Variants in CEP68 observed in about 807,000 individuals in gnomAD.
CEP68 encodes centrosomal protein 68.
In CEP68, 26 loss-of-function variants were observed where a neutral mutation model predicts 55.3. That is an observed-to-expected ratio of 0.47 (90% CI 0.34 to 0.65). The LOEUF (loss-of-function observed/expected upper bound fraction) is 0.65. CEP68 is among the 30% of genes least tolerant of loss of function. The pLI, the probability that CEP68 is intolerant of heterozygous loss-of-function variation, is 0.01. For missense variants in CEP68, 957 were observed against 946.7 expected (o/e 1.01, Z -0.14); for synonymous variants, 402 against 383.2 (o/e 1.05, Z -0.57).
intron 1 of CEP68, among the ~76,000 whole-genome samples, chr2:65,058,076 G>C (rs181713372): frequency 3.0e-4 from 45 of 152,164 alleles, no homozygotes; most frequent in African/African-American, 9.4e-4. Flanking sequence ...CTGGCACAAA[G>C]AAAATGATCA....
chr2:65,073,243 C>A, intron 3 of CEP68: 1 of 501,826 alleles, frequency 2.0e-6, no homozygotes, highest in Non-Finnish European at 3.7e-6. Flanking sequence ...GAATGAGACC[C>A]AGGTAGACTA....
intron 3 of CEP68, chr2:65,073,282 C>T (rs1676589952): frequency 4.7e-6 from 2 of 429,232 alleles, no homozygotes; most frequent in African/African-American, 2.0e-5. Context: ...TTAGCCACTA[C>T]CCTTGGCTGC....
Position 65,071,462 on chromosome 2 carries a change from G to A in CEP68, c.366G>A (p.Lys122=), listed in dbSNP as rs148676857. The A allele has an allele frequency of 7.2e-4, 1,155 of 1,612,976 alleles. 6 individuals are homozygous for A. The East Asian group carries it at 0.015, about 21-fold the overall frequency. ...CCCTTTGATCATTGCAGGTGGAGAA[G>A]ACCAAGCTTTCTTCCTCCGAGGAGT... is the stretch of plus-strand genomic sequence containing the variant. ...LLLSGESQVE[K]TKLSSSEEFP... is the part of the protein sequence containing the mutation. Residue 122 remains lysine, a synonymous_variant, in exon 3 of 7, where the codon AAG becomes AAA. Coordinates refer to ENST00000377990, the MANE Select transcript of CEP68 (RefSeq NM_015147.3).
At position 65,071,831 on chromosome 2, in the gene CEP68, G is replaced by A. The variant is rs1342630600; in HGVS notation, c.735G>A (p.Arg245=). The A allele has an allele frequency of 6.2e-7, 1 of 1,603,322 alleles. No homozygotes were observed. Among genetic ancestry groups the A allele is most frequent in the South Asian group, 1.1e-5 (1 of 89,826 alleles). ...EPSSVVGLGP[R]PQWSPQPVFS... is the part of the protein sequence containing the mutation. ...CCTCTGTGGTGGGGCTAGGACCTCG[G>A]CCCCAGTGGTCACCACAGCCTGTGT... The change falls in exon 3 of 7, where the codon CGG becomes CGA. Residue 245 remains arginine (R), a synonymous_variant. Coordinates refer to ENST00000377990, the MANE Select transcript of CEP68 (RefSeq NM_015147.3).
rs1481346578 is a variant in CEP68 at position 65,077,915 on chromosome 2, C to G, written c.2055C>G (p.Val685=). The G allele has an allele frequency of 6.2e-7, 1 of 1,613,992 alleles. No homozygotes were observed. Among genetic ancestry groups the G allele is most frequent in the Non-Finnish European group, 8.5e-7 (1 of 1,179,886 alleles). The change falls in exon 5 of 7, where the codon GTC becomes GTG. Residue 685 remains valine, a synonymous_variant. Coordinates refer to ENST00000377990, the MANE Select transcript of CEP68 (RefSeq NM_015147.3). ...IDEHQSLTES[V]LQKGEILLQC... ...AACATCAGTCTCTGACGGAGAGTGT[C>G]TTACAGAAGGGGGAGATTCTTCTTC...
intron 4 of CEP68, chr2:65,074,773 C>G (rs936264651): frequency 3.2e-4 from 76 of 236,494 alleles, no homozygotes; most frequent in African/African-American, 9.6e-4. Context: ...GACCCCCCCC[C>G]CTCAAAAAAA....
rs139613222 is a variant in CEP68 at position 65,063,191 on chromosome 2, G to T, written c.-46-6208G>T. ...CTGGTGGATCATACAGCCTCTTCAG[G>T]TTCTGGAAACTAACAGAATTTTAAT... On this transcript the variant is annotated intron_variant, in intron 1 of 6. Coordinates refer to ENST00000377990, the MANE Select transcript of CEP68 (RefSeq NM_015147.3). 1.2e-4 allele frequency among the ~76,000 whole-genome samples: 19 copies of T among 152,336 alleles called. No homozygotes were observed. The East Asian group carries it at 2.3e-3, about 19-fold the overall frequency.
In CEP68 at chr2:65,083,800, G is replaced by A. The variant is rs1182212773; in HGVS notation, c.*166G>A. 6.6e-6 allele frequency: 1 copy of A among 152,230 alleles called. No individual in the cohort carries two copies. The highest frequency in any genetic ancestry group is 1.9e-4 in the East Asian group (1 of 5,200). 9.4% of individuals were successfully genotyped at this position (152,230 alleles called of 1,614,324 possible). On this transcript the variant is annotated 3_prime_UTR_variant, in exon 7 of 7. Coordinates refer to ENST00000377990, the MANE Select transcript of CEP68 (RefSeq NM_015147.3). Reference sequence around the variant, plus strand: ...CTTTCTCCTCCCTGAATGGAGGGCTGAGTTACTATTTTTATTTACAATGAA... The same window carrying A: ...CTTTCTCCTCCCTGAATGGAGGGCTAAGTTACTATTTTTATTTACAATGAA...
At chr2:65,057,440 C>T (rs1462461170) in intron 1 of CEP68, among the ~76,000 whole-genome samples, 2 of 152,214 alleles carry the variant, frequency 1.3e-5, no homozygotes, top group Non-Finnish European at 2.9e-5. Flanking sequence ...TGAGTCAATT[C>T]TGGCCCACTT....
chr2:65,071,521 C>G lies in CEP68; in HGVS notation c.425C>G (p.Thr142Ser). 8 of 1,608,862 alleles carry G rather than the reference C, an allele frequency of 5.0e-6. No homozygotes were observed. The highest frequency in any genetic ancestry group is 1.3e-5 in the African/African-American group (1 of 74,736). ...ACTCTGAGCCTTCCCAGAACAACAA[C>G]TATTTGCTCAGGACATGATGCTGAT... ...PQTLSLPRTTTICSGHDADTE... is the reference protein window; with the variant it reads ...PQTLSLPRTTSICSGHDADTE... Residue 142 changes from threonine (T) to serine (S), a missense_variant, in exon 3 of 7, where the codon ACT becomes AGT. Thr to Ser is a moderately conservative substitution (Grantham distance 58). Coordinates refer to ENST00000377990, the MANE Select transcript of CEP68 (RefSeq NM_015147.3).
At chr2:65,060,389 G>A (rs568090072) in intron 1 of CEP68, among the ~76,000 whole-genome samples, 8 of 152,214 alleles carry the variant, frequency 5.3e-5, no homozygotes, top group South Asian at 2.1e-4. Context: ...TCTTGAGAGC[G>A]GTAAGATTCT....
rs1375912075 is a variant in CEP68, at chr2:65,086,394, T to C, written c.*2760T>C. On this transcript the variant is annotated 3_prime_UTR_variant, in exon 7 of 7. Coordinates refer to ENST00000377990, the MANE Select transcript of CEP68 (RefSeq NM_015147.3). The stretch of plus-strand genomic sequence containing the variant: ...GCTTTGAACCGTTTGTACTTGAAAA[T>C]GGGGGTATAAAGGGGTATATATTTT... 6.6e-6 allele frequency: 1 copy of C among 152,092 alleles called. No individual in the cohort carries two copies. Among genetic ancestry groups the C allele is most frequent in the East Asian group, 1.9e-4 (1 of 5,198 alleles). 9.4% of individuals were successfully genotyped at this position (152,092 alleles called of 1,614,324 possible). A position where few individuals can be genotyped will look rare whatever the true frequency, so the allele number is the denominator to read the frequency against.
At chr2:65,073,926 A>G (rs746895460) in intron 3 of CEP68, 2 of 211,496 alleles carry the variant, frequency 9.5e-6, no homozygotes, top group Admixed American at 5.3e-5. Context: ...TTTTACGTTC[A>G]CTTTTCCAGA....
At chr2:65,066,187 C>T (rs1676155044) in intron 1 of CEP68, among the ~76,000 whole-genome samples, 1 of 152,084 alleles carries the variant, frequency 6.6e-6, no homozygotes, top group Non-Finnish European at 1.5e-5. Context: ...GGGAGGAAAC[C>T]CGAGTATCCA....
chr2:65,083,216 A>G (rs1184047736), intron 6 of CEP68, among the ~76,000 whole-genome samples: 2 of 152,160 alleles, frequency 1.3e-5, no homozygotes, highest in Admixed American at 6.5e-5. Context: ...GGGTCTCCAC[A>G]TATCTCCCAC....
At position 65,069,587 on chromosome 2, in the gene CEP68, A is replaced by T; in HGVS notation, c.143A>T (p.Glu48Val). ...GAGCAGCCCCCACGCCTGGAAGCTGAGGGAGGGCTCATCTCCCCTGTATGG... is the reference window on the plus strand; with the variant it reads ...GAGCAGCCCCCACGCCTGGAAGCTGTGGGAGGGCTCATCTCCCCTGTATGG... ...SGEQPPRLEAEGGLISPVWGA... is the reference protein window; with the variant it reads ...SGEQPPRLEAVGGLISPVWGA... Residue 48 changes from glutamate to valine, a missense_variant, in exon 2 of 7, where the codon GAG becomes GTG. Transcript: ENST00000377990. 1 of 1,613,828 alleles carries T rather than the reference A, an allele frequency of 6.2e-7. No individual in the cohort carries two copies. Among genetic ancestry groups the T allele is most frequent in the Non-Finnish European group, 8.5e-7 (1 of 1,179,812 alleles).
intron 1 of CEP68, among the ~76,000 whole-genome samples, chr2:65,062,532 CAAAA>C (rs10700779): frequency 3.0e-5 from 2 of 66,302 alleles, no homozygotes; most frequent in East Asian, 4.2e-4. Flanking sequence ...GACTCCATCT[CAAAA>C]AAAAAAAAAA....
chr2:65,063,111 C>T (rs909525322), intron 1 of CEP68, among the ~76,000 whole-genome samples: 2 of 152,160 alleles, frequency 1.3e-5, no homozygotes, highest in African/African-American at 2.4e-5. Context: ...GATTTGTGGG[C>T]GTATTTTTAC....
chr2:65,081,862 T>C (rs1367343624), intron 5 of CEP68, among the ~76,000 whole-genome samples: 7 of 152,154 alleles, frequency 4.6e-5, no homozygotes, highest in Non-Finnish European at 2.9e-5. Flanking sequence ...ACCCGGCTAA[T>C]TTTTTTATAT....
Sources: allele counts gnomAD v4.1 joint callset (sites outside exome capture counted in the v4.1 genomes callset), GRCh38; gene constraint gnomAD v4.1.1; transcripts MANE v1.5; gene names NCBI Gene and HGNC (gene_info 2026-07-23, HGNC 2026-07-21).